Variants in POPDC1 observed in about 807,000 individuals in gnomAD.
POPDC1 encodes the protein popeye domain-containing protein 1.
At chr6:105,115,803 G>C in the POPDC1 span, 17 of 1,613,582 alleles carry the variant, frequency 1.1e-5, no homozygotes, top group Non-Finnish European at 1.4e-5. Flanking sequence ...CAGAGGCTGA[G>C]CTGATGTTCC....
At chr6:105,131,111 T>A in the POPDC1 span, among the ~76,000 whole-genome samples, 2 of 152,144 alleles carry the variant, frequency 1.3e-5, no homozygotes, top group Admixed American at 6.5e-5. Flanking sequence ...AATAAAACTA[T>A]CATGAAGATA....
At chr6:105,118,821 G>C in the POPDC1 span, among the ~76,000 whole-genome samples, 8 of 152,046 alleles carry the variant, frequency 5.3e-5, no homozygotes, top group African/African-American at 1.9e-4. Flanking sequence ...CCATTTTTCA[G>C]ATGCCAAATG....
chr6:105,126,099 A>C, the POPDC1 span, among the ~76,000 whole-genome samples: 4 of 151,754 alleles, frequency 2.6e-5, no homozygotes, highest in African/African-American at 9.7e-5. Context: ...GGTGGCATGC[A>C]CCTGTAATCT....
chr6:105,133,724 T>C, the POPDC1 span: 3 of 610,204 alleles, frequency 4.9e-6, no homozygotes, highest in African/African-American at 1.8e-5. Flanking sequence ...CAGACCCAGA[T>C]TCAAATCCAA....
At chr6:105,124,984 C>T in the POPDC1 span, among the ~76,000 whole-genome samples, 1 of 152,106 alleles carries the variant, frequency 6.6e-6, no homozygotes, top group Non-Finnish European at 1.5e-5. Context: ...AATGCCAGCA[C>T]AACAGAGACT....
chr6:105,125,773 T>C, the POPDC1 span, among the ~76,000 whole-genome samples: 1 of 152,102 alleles, frequency 6.6e-6, no homozygotes, highest in African/African-American at 2.4e-5. Flanking sequence ...GCTAAAAGGG[T>C]ATGGTTAGGT....
At chr6:105,133,469 A>T in the POPDC1 span, 1 of 1,613,924 alleles carries the variant, frequency 6.2e-7, no homozygotes, top group Non-Finnish European at 8.5e-7. Flanking sequence ...ATCTCTCTCC[A>T]GTTTTCACAA....
chr6:105,122,534 T>C, the POPDC1 span, among the ~76,000 whole-genome samples: 93 of 152,190 alleles, frequency 6.1e-4, no homozygotes, highest in Admixed American at 2.6e-3. Context: ...TGGGAACCAC[T>C]TGATTCTGGA....
At chr6:105,124,696 A>C in the POPDC1 span, 1 of 1,344,268 alleles carries the variant, frequency 7.4e-7, no homozygotes, top group Non-Finnish European at 1.1e-6. Context: ...AATATTTCAC[A>C]AATACCATGA....
chr6:105,118,699 CATA>C, the POPDC1 span, among the ~76,000 whole-genome samples: 1 of 152,182 alleles, frequency 6.6e-6, no homozygotes, highest in Non-Finnish European at 1.5e-5. Context: ...GACAATAGCA[CATA>C]ATGCCACTCA....
the POPDC1 span, among the ~76,000 whole-genome samples, chr6:105,102,825 TA>T: frequency 2.0e-5 from 3 of 152,206 alleles, no homozygotes; most frequent in African/African-American, 2.4e-5. Flanking sequence ...TCCTCTAACA[TA>T]AAAAAATATG....
chr6:105,121,261 C>T, the POPDC1 span, among the ~76,000 whole-genome samples: 2 of 150,950 alleles, frequency 1.3e-5, no homozygotes, highest in Non-Finnish European at 2.9e-5. Context: ...CAAAACACTA[C>T]TTTTATCTTT....
chr6:105,129,622 C>T, the POPDC1 span: 10 of 993,714 alleles, frequency 1.0e-5, no homozygotes, highest in Admixed American at 5.3e-5. Flanking sequence ...TGATACTTTG[C>T]AAGACCCCCA....
the POPDC1 span, among the ~76,000 whole-genome samples, chr6:105,107,880 A>C: frequency 6.6e-6 from 1 of 152,120 alleles, no homozygotes; most frequent in African/African-American, 2.4e-5. Context: ...AATTGAGGAA[A>C]CTGAGTTTGA....
the POPDC1 span, among the ~76,000 whole-genome samples, chr6:105,112,418 TA>T: frequency 6.6e-6 from 1 of 152,200 alleles, no homozygotes; most frequent in African/African-American, 2.4e-5. Flanking sequence ...TGGAACAATG[TA>T]AAAAGGTTTA....
the POPDC1 span, among the ~76,000 whole-genome samples, chr6:105,131,578 G>C: frequency 6.6e-6 from 1 of 152,092 alleles, no homozygotes; most frequent in African/African-American, 2.4e-5. Flanking sequence ...ACCATGCCTA[G>C]ATAATTTTTA....
chr6:105,105,056 A>G, the POPDC1 span, among the ~76,000 whole-genome samples: 1 of 152,206 alleles, frequency 6.6e-6, no homozygotes, highest in South Asian at 2.1e-4. Flanking sequence ...CCAGGGTGTG[A>G]ACCACTTAGA....
At chr6:105,120,292 A>AAAAAAAAAAAC in the POPDC1 span, among the ~76,000 whole-genome samples, 2 of 1,158 alleles carry the variant, frequency 1.7e-3, 1 homozygote, top group African/African-American at 2.2e-3. Flanking sequence ...AAAAAAAAAA[A>AAAAAAAAAAAC]AAAAAAAAAA....
the POPDC1 span, among the ~76,000 whole-genome samples, chr6:105,108,848 T>C: frequency 3.3e-5 from 5 of 152,222 alleles, no homozygotes; most frequent in African/African-American, 1.2e-4. Flanking sequence ...CAAAGGCTAA[T>C]TGCAGTTATA....
Sources: allele counts gnomAD v4.1 joint callset (sites outside exome capture counted in the v4.1 genomes callset), GRCh38; gene constraint gnomAD v4.1.1; transcripts MANE v1.5; gene names NCBI Gene and HGNC (gene_info 2026-07-23, HGNC 2026-07-21).